Variants in CANX observed in about 807,000 individuals in gnomAD.
CANX encodes the protein epididymis secretory sperm binding protein.
Under a neutral mutation model 75.7 loss-of-function variants are expected in CANX, and 14 were observed. The ratio of observed to expected loss-of-function variants is 0.19; its 90% CI spans 0.12 to 0.29. CANX has a LOEUF of 0.29. CANX is among the 10% of genes least tolerant of loss of function. The probability of loss-of-function intolerance (pLI) is 1.00; values close to 1 mark genes in which losing one functional copy is unlikely to be tolerated. For synonymous variants in CANX, 227 were observed against 236.9 expected, an observed-to-expected ratio of 0.96 and a Z score of 0.38; for missense variants, 567 against 713.2, an observed-to-expected ratio of 0.79 and a Z score of 2.34.
chr5:179,681,060 C>T (rs1450776193), intron 1 of CANX: 2 of 694,126 alleles, frequency 2.9e-6, no homozygotes, highest in Admixed American at 2.3e-5. Flanking sequence ...CCACTCAGCT[C>T]TTGTCCACCT....
chr5:179,713,263 G>A (rs1322912559), intron 7 of CANX, among the ~76,000 whole-genome samples: 1 of 151,984 alleles, frequency 6.6e-6, no homozygotes, highest in African/African-American at 2.4e-5. Flanking sequence ...TGTATTTTTA[G>A]TAGAGCCTTG....
upstream of CANX, among the ~76,000 whole-genome samples, chr5:179,695,789 T>G (rs1191996797): frequency 6.6e-6 from 1 of 151,828 alleles, no homozygotes; most frequent in Non-Finnish European, 1.5e-5. Context: ...TAGCTGGGAC[T>G]ACAGGCGCCC....
intron 4 of CANX, 32 bp downstream of exon 4, chr5:179,707,222 C>G: frequency 8.7e-7 from 1 of 1,155,620 alleles, no homozygotes; most frequent in Non-Finnish European, 1.3e-6. Context: ...GATATAATAG[C>G]AGATAGAGGT....
intron 3 of CANX, among the ~76,000 whole-genome samples, chr5:179,706,893 T>A (rs914918819): frequency 6.6e-6 from 1 of 152,192 alleles, no homozygotes; most frequent in Non-Finnish European, 1.5e-5. Context: ...AGGAAAAAAA[T>A]TTTCTCTTGA....
At chr5:179,693,702 G>A (rs565779708), upstream of CANX, among the ~76,000 whole-genome samples, 24 of 151,784 alleles carry the variant, frequency 1.6e-4, no homozygotes, top group Middle Eastern at 3.4e-3. Flanking sequence ...AACTAGCCAC[G>A]CATGGTGGTG....
At chr5:179,717,293 T>C (rs1417225218) in intron 8 of CANX, among the ~76,000 whole-genome samples, 1 of 152,212 alleles carries the variant, frequency 6.6e-6, no homozygotes, top group Non-Finnish European at 1.5e-5. Context: ...AGATTTGGAC[T>C]TAGCCTTGTT....
At chr5:179,705,439 A>C (rs1777061785) in intron 1 of CANX, among the ~76,000 whole-genome samples, 1 of 152,222 alleles carries the variant, frequency 6.6e-6, no homozygotes, top group Non-Finnish European at 1.5e-5. Flanking sequence ...TCTCTATATG[A>C]GGATGTTGTG....
intron 1 of CANX, chr5:179,681,079 TCA>T (rs1776052046): frequency 9.4e-6 from 6 of 635,376 alleles, no homozygotes; most frequent in South Asian, 7.0e-5. Flanking sequence ...CTGCTATGAC[TCA>T]CAATGCCTCC....
chr5:179,692,237 G>C (rs1419061776), intron 1 of CANX, among the ~76,000 whole-genome samples: 2 of 151,876 alleles, frequency 1.3e-5, no homozygotes, highest in Non-Finnish European at 2.9e-5. Flanking sequence ...ACCATGCCCG[G>C]CTAATTTTTG....
chr5:179,708,474 T>C (rs754088594), intron 5 of CANX, 94 bp downstream of exon 5: 18 of 1,169,120 alleles, frequency 1.5e-5, no homozygotes, highest in Admixed American at 7.0e-5. Context: ...AATTATGAGA[T>C]TATATAAGTG....
At chr5:179,700,394 A>G (rs1441816358) in intron 1 of CANX, 1 of 152,162 alleles carries the variant, frequency 6.6e-6, no homozygotes, top group Non-Finnish European at 1.5e-5. Context: ...TCTTTTCCCA[A>G]CATTGTTTGA....
At chr5:179,723,539 T>C in intron 11 of CANX, 121 bp from the exon 12 acceptor site, 1 of 948,568 alleles carries the variant, frequency 1.1e-6, no homozygotes, top group Non-Finnish European at 1.6e-6. Flanking sequence ...TTTATGAGCA[T>C]TTTCTCTGAA....
rs140541175 is a variant in CANX at position 179,680,059 on chromosome 5, C to T, written c.-4+1282C>T. Among the ~76,000 whole-genome samples, 212 of 151,060 alleles carry T rather than the reference C, an allele frequency of 1.4e-3. 3 individuals carry two copies. Among genetic ancestry groups the T allele is most frequent in the African/African-American group, 4.8e-3 (196 of 41,070 alleles). ...AACTCCGGACCTCAGGTGATCTGCCCGCCTCAGCGCCAAAGTGCTGGGATT... is the reference window on the plus strand; with the variant it reads ...AACTCCGGACCTCAGGTGATCTGCCTGCCTCAGCGCCAAAGTGCTGGGATT... On this transcript the variant is annotated intron_variant, in intron 1 of 14. Transcript: ENST00000681674.
At chr5:179,715,170 C>T (rs1777850830) in intron 7 of CANX, among the ~76,000 whole-genome samples, 1 of 152,214 alleles carries the variant, frequency 6.6e-6, no homozygotes, top group African/African-American at 2.4e-5. Context: ...GTAACTCAGT[C>T]TCCTGTGTAT....
chr5:179,698,430 C>T (rs558479408), upstream of CANX: 1 of 1,282,460 alleles, frequency 7.8e-7, no homozygotes, highest in African/African-American at 1.5e-5. Flanking sequence ...GCACGCCAAT[C>T]CGGCCAGGCG....
chr5:179,701,502 G>A (rs1029634813), intron 1 of CANX, among the ~76,000 whole-genome samples: 3 of 151,630 alleles, frequency 2.0e-5, no homozygotes, highest in Non-Finnish European at 4.4e-5. Flanking sequence ...CCTGGAAGGC[G>A]GAGGTTGCAG....
chr5:179,726,503 G>A (rs569429001), intron 13 of CANX, among the ~76,000 whole-genome samples, 177 bp from the exon 14 acceptor site: 280 of 151,460 alleles, frequency 1.8e-3, no homozygotes, highest in African/African-American at 6.2e-3. Flanking sequence ...GTGAACCCGG[G>A]AGGCGGAGTT....
upstream of CANX, among the ~76,000 whole-genome samples, chr5:179,693,796 T>C (rs1181595952): frequency 6.6e-6 from 1 of 151,972 alleles, no homozygotes. Context: ...TGAGCCATGA[T>C]TGTGCCACTG....
upstream of CANX, chr5:179,698,788 C>T (rs187541538): frequency 3.9e-4 from 262 of 667,048 alleles, no homozygotes; most frequent in African/African-American, 4.3e-3. Context: ...CCAATCTTCA[C>T]ACTCCACGAA....
Sources: gnomAD v4.1 joint callset for allele counts (sites outside exome capture counted in the v4.1 genomes callset) on GRCh38, gnomAD v4.1.1 for gene constraint, MANE v1.5 for transcripts, NCBI Gene and HGNC (gene_info 2026-07-23, HGNC 2026-07-21) for gene names.